Variants in STXBP6 observed in about 807,000 individuals in gnomAD.
The protein encoded by STXBP6 is syntaxin-binding protein 6.
Under a neutral mutation model 26.9 loss-of-function variants are expected in STXBP6, and 21 were observed. The ratio of observed to expected loss-of-function variants is 0.78; its 90% confidence interval spans 0.55 to 1.12. The LOEUF (loss-of-function observed/expected upper bound fraction) is 1.12. STXBP6 is among the 50% of genes most tolerant of loss of function. The pLI is 0.00. For missense variants in STXBP6, 232 were observed against 257.9 expected (o/e 0.90, Z 0.69); for synonymous variants, 97 against 92.6 (o/e 1.05, Z -0.27).
chr14:24,949,722 A>G (rs1414865565), intron 2 of STXBP6, among the ~76,000 whole-genome samples: 2 of 152,180 alleles, frequency 1.3e-5, no homozygotes, highest in Non-Finnish European at 2.9e-5. Flanking sequence ...TTTTAAGTTT[A>G]CCCTAAAAGT....
intron 2 of STXBP6, among the ~76,000 whole-genome samples, chr14:24,898,197 C>T (rs1432375201): frequency 5.3e-5 from 8 of 152,184 alleles, no homozygotes; most frequent in African/African-American, 1.7e-4. Context: ...CCGAGCATCC[C>T]AGGTTTGCAT....
In STXBP6 at chr14:24,998,328, A is replaced by G. The variant is rs116853414; in HGVS notation, c.-32-23478T>C. Among the ~76,000 whole-genome samples, 622 of 152,346 alleles carry G rather than the reference A, an allele frequency of 4.1e-3. 14 individuals carry two copies. The East Asian group carries it at 0.042, about 10-fold the overall frequency. On this transcript the variant is annotated intron_variant, in intron 1 of 5. Coordinates refer to ENST00000323944, the MANE Select transcript of STXBP6 (RefSeq NM_001394410.1). ...TAAGCAAAAAAGTAATTTTTTCAAT[A>G]AAGTCAAAATAATATATTCTTACGC...
At chr14:25,035,265 A>T (rs543997879) in intron 1 of STXBP6, among the ~76,000 whole-genome samples, 1 of 152,192 alleles carries the variant, frequency 6.6e-6, no homozygotes, top group South Asian at 2.1e-4. Context: ...GCAGATGACA[A>T]TGGGACCTGA....
At chr14:25,048,581 G>A (rs1458056419) in intron 1 of STXBP6, among the ~76,000 whole-genome samples, 1 of 152,174 alleles carries the variant, frequency 6.6e-6, no homozygotes, top group Non-Finnish European at 1.5e-5. Context: ...GTGTGAGGGT[G>A]TCCCTTTAAG....
chr14:25,039,801 G>A (rs2140500234), intron 1 of STXBP6, among the ~76,000 whole-genome samples: 1 of 152,034 alleles, frequency 6.6e-6, no homozygotes, highest in African/African-American at 2.4e-5. Flanking sequence ...CTGCCTCCTG[G>A]GTTCGAGCAA....
At chr14:24,995,943 T>G (rs150361535) in intron 1 of STXBP6, among the ~76,000 whole-genome samples, 1 of 152,270 alleles carries the variant, frequency 6.6e-6, no homozygotes, top group East Asian at 1.9e-4. Context: ...ATCTGAACAC[T>G]GCTTTCAGAA....
intron 4 of STXBP6, among the ~76,000 whole-genome samples, chr14:24,847,953 C>T (rs2069020737): frequency 6.6e-6 from 1 of 152,102 alleles, no homozygotes; most frequent in Admixed American, 6.6e-5. Context: ...AACTCAGCAT[C>T]CCAGACATTT....
At chr14:24,966,170 G>T (rs886618923) in intron 2 of STXBP6, among the ~76,000 whole-genome samples, 9 of 152,166 alleles carry the variant, frequency 5.9e-5, no homozygotes, top group Admixed American at 4.6e-4. Context: ...CCTCTGTTAA[G>T]AGTTTTCCCT....
rs376697368 is a variant in STXBP6, at chr14:25,000,066, A to ATT, written c.-32-25218_-32-25217dup. Among the ~76,000 whole-genome samples, 108 of 146,488 alleles carry ATT rather than the reference A, an allele frequency of 7.4e-4. 1 individual carries two copies. The highest frequency in any genetic ancestry group is 3.4e-3 in the East Asian group (17 of 5,016). On this transcript the variant is annotated intron_variant, in intron 1 of 5. Transcript: ENST00000323944. Reference sequence around the variant, plus strand: ...AGTTTTGTAGGACACGCTTCAAATAATTTTTTTTTTTTTTGAGACGGAGTC... The same window carrying ATT: ...AGTTTTGTAGGACACGCTTCAAATAATTTTTTTTTTTTTTTTGAGACGGAGTC...
At chr14:24,891,215 A>C (rs1204195407) in intron 2 of STXBP6, among the ~76,000 whole-genome samples, 1 of 152,186 alleles carries the variant, frequency 6.6e-6, no homozygotes, top group African/African-American at 2.4e-5. Context: ...CTGCTTCCAC[A>C]AACCGTGGAG....
intron 1 of STXBP6, among the ~76,000 whole-genome samples, chr14:25,009,440 A>T (rs543002983): frequency 6.6e-6 from 1 of 152,214 alleles, no homozygotes; most frequent in Admixed American, 6.5e-5. Context: ...AAACTATACA[A>T]TAAGTAACCA....
At chr14:24,969,820 C>G (rs1034614820) in intron 2 of STXBP6, among the ~76,000 whole-genome samples, 1 of 152,090 alleles carries the variant, frequency 6.6e-6, no homozygotes, top group Non-Finnish European at 1.5e-5. Flanking sequence ...TCAGAGTGTT[C>G]AAAAAGGCCA....
At chr14:24,905,804 T>C (rs181568119) in intron 2 of STXBP6, among the ~76,000 whole-genome samples, 2 of 152,338 alleles carry the variant, frequency 1.3e-5, no homozygotes, top group Non-Finnish European at 1.5e-5. Context: ...AAGACCAAGA[T>C]AGGATGTACT....
At position 24,818,913 on chromosome 14, in the gene STXBP6, T is replaced by G. The variant is rs1233062002; in HGVS notation, c.609+124A>C. The G allele has an allele frequency of 3.1e-6, 4 of 1,304,808 alleles. No individual in the cohort carries two copies. The African/African-American group carries it at 6.0e-5, about 19-fold the overall frequency. 80.8% of individuals were successfully genotyped at this position (1,304,808 alleles called of 1,614,324 possible). ...TGTTTAGTAAGTAGCAGATGGGAAT[T>G]ACATAAAGGGGAAATAGCTTAATTT... On this transcript the variant is annotated intron_variant, in intron 5 of 5. Transcript: ENST00000323944.
chr14:24,917,065 A>C (rs2071794155), intron 2 of STXBP6, among the ~76,000 whole-genome samples: 1 of 152,058 alleles, frequency 6.6e-6, no homozygotes, highest in Admixed American at 6.6e-5. Flanking sequence ...TCTCCTAAGG[A>C]AGCATAGCAT....
intron 2 of STXBP6, among the ~76,000 whole-genome samples, chr14:24,964,556 T>A (rs2073665745): frequency 6.6e-6 from 1 of 152,162 alleles, no homozygotes; most frequent in Admixed American, 6.5e-5. Context: ...TATAGTTCAG[T>A]TACTCCTCAA....
intron 1 of STXBP6, among the ~76,000 whole-genome samples, chr14:25,015,334 G>T (rs893372220): frequency 3.9e-5 from 6 of 152,000 alleles, no homozygotes; most frequent in Non-Finnish European, 7.4e-5. Context: ...TAATGAAGGG[G>T]CCTCTTGTGC....
In STXBP6 at chr14:24,810,863, C is replaced by T. The variant is rs1043770712; in HGVS notation, c.*1846G>A. The stretch of plus-strand genomic sequence containing the variant: ...ATCCAATTTGGAAAGATAAATACAT[C>T]TCTGTGTGTGTGTGTGTGTGTGTGT... On this transcript the variant is annotated 3_prime_UTR_variant, in exon 6 of 6. Transcript: ENST00000323944. 4.0e-5 allele frequency: 1 copy of T among 24,724 alleles called. No individual in the cohort carries two copies. The highest frequency in any genetic ancestry group is 9.8e-5 in the Non-Finnish European group (1 of 10,202). The allele number at this position is 24,724 out of a possible 1,614,324, so 1.5% of individuals were successfully genotyped here.
chr14:24,995,594 C>T (rs1453452312), intron 1 of STXBP6, among the ~76,000 whole-genome samples: 1 of 152,124 alleles, frequency 6.6e-6, no homozygotes, highest in Admixed American at 6.5e-5. Flanking sequence ...TAGCATTATT[C>T]TTACCTTCTA....
Sources: gnomAD v4.1 joint callset for allele counts (sites outside exome capture counted in the v4.1 genomes callset) on GRCh38, gnomAD v4.1.1 for gene constraint, MANE v1.5 for transcripts, NCBI Gene and HGNC (gene_info 2026-07-23, HGNC 2026-07-21) for gene names.